CLXN: variants seen among roughly 807,000 people sequenced by gnomAD.
CLXN encodes the protein EF-hand calcium binding domain 1.
the CLXN span, chr8:48,711,969 C>G: frequency 6.6e-6 from 1 of 152,150 alleles, no homozygotes; most frequent in Non-Finnish European, 1.5e-5. Flanking sequence ...CAAAAGCGCT[C>G]ATTAGATTTT....
chr8:48,729,847 T>C, the CLXN span: 1 of 1,612,758 alleles, frequency 6.2e-7, no homozygotes, highest in Non-Finnish European at 8.5e-7. Flanking sequence ...TCCGTCACCA[T>C]TCAAATCAAA....
At chr8:48,719,762 T>C in the CLXN span, among the ~76,000 whole-genome samples, 1 of 152,168 alleles carries the variant, frequency 6.6e-6, no homozygotes, top group African/African-American at 2.4e-5. Flanking sequence ...CACTAGGAAC[T>C]TACCTCAACA....
the CLXN span, among the ~76,000 whole-genome samples, chr8:48,712,915 G>A: frequency 3.4e-3 from 504 of 150,386 alleles, 1 homozygote; most frequent in Non-Finnish European, 5.1e-3. Context: ...CAGGAGAATC[G>A]CTTGAATCTG....
the CLXN span, among the ~76,000 whole-genome samples, chr8:48,726,995 TCATC>T: frequency 0.15 from 18,611 of 124,152 alleles, 2,508 homozygotes; most frequent in African/African-American, 0.4. Flanking sequence ...ATCCATCCAC[TCATC>T]CATCCATCCA....
chr8:48,733,303 A>C, the CLXN span, among the ~76,000 whole-genome samples: 18 of 152,200 alleles, frequency 1.2e-4, no homozygotes, highest in Non-Finnish European at 2.2e-4. Context: ...TATTACCCAA[A>C]GGATCAAAGG....
At chr8:48,735,272 C>T in the CLXN span, 1 of 1,141,066 alleles carries the variant, frequency 8.8e-7, no homozygotes, top group East Asian at 2.4e-5. Context: ...AGTTACTGAT[C>T]TCGTGCGCGG....
the CLXN span, chr8:48,715,412 C>G: frequency 1.3e-5 from 2 of 152,152 alleles, no homozygotes; most frequent in Non-Finnish European, 2.9e-5. Flanking sequence ...ATTAAAGCAC[C>G]CCCAAACCAA....
At chr8:48,734,036 T>C in the CLXN span, among the ~76,000 whole-genome samples, 1 of 152,162 alleles carries the variant, frequency 6.6e-6, no homozygotes, top group African/African-American at 2.4e-5. Flanking sequence ...ATTTTTTTCC[T>C]AAACATTTTA....
the CLXN span, chr8:48,734,593 T>C: frequency 6.6e-6 from 1 of 152,612 alleles, no homozygotes; most frequent in East Asian, 1.9e-4. Flanking sequence ...GAGGCACAGA[T>C]GAGATGACAC....
At chr8:48,726,146 CCATCCAT>C in the CLXN span, among the ~76,000 whole-genome samples, 2 of 148,370 alleles carry the variant, frequency 1.3e-5, no homozygotes, top group East Asian at 4.1e-4. Context: ...ATCCATCCAT[CCATCCAT>C]CCACCCACCC....
chr8:48,724,640 A>G, the CLXN span: 1 of 898,306 alleles, frequency 1.1e-6, no homozygotes, highest in Non-Finnish European at 1.7e-6. Context: ...TCACCCTGAA[A>G]CACACAATTC....
chr8:48,720,135 G>C, the CLXN span, among the ~76,000 whole-genome samples: 1 of 152,178 alleles, frequency 6.6e-6, no homozygotes, highest in African/African-American at 2.4e-5. Flanking sequence ...GGACCACTGT[G>C]ATAATTGTGT....
At chr8:48,730,108 C>T in the CLXN span, 27 of 383,248 alleles carry the variant, frequency 7.0e-5, 1 homozygote, top group South Asian at 1.9e-3. Context: ...AATATCTTCA[C>T]CTTGAAACTC....
chr8:48,731,552 T>C, the CLXN span: 2 of 1,485,248 alleles, frequency 1.3e-6, no homozygotes, highest in Non-Finnish European at 1.8e-6. Context: ...AATCTTTAAG[T>C]TCTAACTTAA....
the CLXN span, among the ~76,000 whole-genome samples, chr8:48,725,857 C>T: frequency 1.9e-4 from 29 of 151,284 alleles, no homozygotes; most frequent in Non-Finnish European, 3.2e-4. Context: ...AAATTCTAAT[C>T]GGAAGGTTTC....
chr8:48,726,869 C>CT, the CLXN span, among the ~76,000 whole-genome samples: 9 of 105,848 alleles, frequency 8.5e-5, no homozygotes, highest in African/African-American at 1.5e-4. Context: ...ATGCATCTAT[C>CT]AATCTATCTA....
chr8:48,725,806 AAAAT>A, the CLXN span, among the ~76,000 whole-genome samples: 4,949 of 149,564 alleles, frequency 0.033, 99 homozygotes, highest in African/African-American at 0.057. Context: ...CTCCGTCTCA[AAAAT>A]AAATAAATAA....
At chr8:48,727,451 T>C in the CLXN span, among the ~76,000 whole-genome samples, 3 of 151,824 alleles carry the variant, frequency 2.0e-5, no homozygotes, top group Non-Finnish European at 4.4e-5. Flanking sequence ...GTTAAGATGG[T>C]CAAGACAGGG....
the CLXN span, chr8:48,730,677 C>A: frequency 6.7e-6 from 9 of 1,339,176 alleles, no homozygotes; most frequent in Non-Finnish European, 8.5e-6. Flanking sequence ...GAACACCTGT[C>A]CTGCATAATA....
Sources: allele counts gnomAD v4.1 joint callset (sites outside exome capture counted in the v4.1 genomes callset), GRCh38; gene constraint gnomAD v4.1.1; transcripts MANE v1.5; gene names NCBI Gene and HGNC (gene_info 2026-07-23, HGNC 2026-07-21).